Variants in DNMT3A observed in about 807,000 individuals in gnomAD.
DNMT3A encodes the protein DNA methyltransferase 3 alpha, also known as DNA (cytosine-5)-methyltransferase 3A.
DNMT3A carries 267 observed loss-of-function variants against 117.6 expected under a neutral mutation model. The ratio of observed to expected loss-of-function variants is 2.27; its 90% CI spans 2.05 to 2.51. The LOEUF (loss-of-function observed/expected upper bound fraction) is 2.51. DNMT3A is among the 30% of genes most tolerant of loss of function. The pLI is 0.00. For missense variants in DNMT3A, 1,029 were observed against 1,260.2 expected, an observed-to-expected ratio of 0.82 and a Z score of 2.78; for synonymous variants, 432 against 474.8, an observed-to-expected ratio of 0.91 and a Z score of 1.17.
At position 25,241,563 on chromosome 2, in the gene DNMT3A, T is replaced by G; in HGVS notation, c.2081A>C (p.His694Pro). Residue 694 changes from histidine to proline, a missense_variant and splice_region_variant, in exon 17 of 23, where the codon CAT becomes CCT. By Grantham distance (77) the His-to-Pro change is moderately conservative. Coordinates refer to ENST00000321117, the MANE Select transcript of DNMT3A (RefSeq NM_022552.5). ...CTGCGCCCCACAGCATGGACATACA[T>G]GCTTCTGTGTGACGCTGCGGACGTC... ...VGDVRSVTQKHIQEWGPFDLV... is the reference protein window; with the variant it reads ...VGDVRSVTQKPIQEWGPFDLV... 6.2e-7 allele frequency: 1 copy of G among 1,613,066 alleles called. No homozygotes were observed. The highest frequency in any genetic ancestry group is 8.5e-7 in the Non-Finnish European group (1 of 1,179,628).
intron 3 of DNMT3A, among the ~76,000 whole-genome samples, chr2:25,299,400 C>T (rs577888267): frequency 8.5e-4 from 130 of 152,234 alleles, no homozygotes; most frequent in Non-Finnish European, 1.6e-3. Context: ...TGATCAGACT[C>T]CCAGGCCTCA....
intron 1 of DNMT3A, 79 bp downstream of exon 1, chr2:25,341,747 C>T: frequency 1.1e-6 from 1 of 941,580 alleles, no homozygotes; most frequent in South Asian, 4.9e-5. Flanking sequence ...CTGCCAGCCG[C>T]GGCGCCCCCC....
Position 25,282,166 on chromosome 2 carries a change from TC to T in DNMT3A, c.448+274del. ...TTGCCAGATCTAGCTTTTTTTTTTT[TC>T]ATGAGAAGCCAAAACTCCAGATTTT... is the stretch of plus-strand genomic sequence containing the variant. On this transcript the variant is annotated intron_variant, in intron 4 of 22. Coordinates refer to ENST00000321117, the MANE Select transcript of DNMT3A (RefSeq NM_022552.5). The surrounding 1 kb of genome is among the most constrained non-coding windows in gnomAD (Gnocchi z 5.2). 2.5e-6 allele frequency: 3 copies of T among 1,188,516 alleles called. No individual in the cohort carries two copies. Among genetic ancestry groups the T allele is most frequent in the South Asian group, 2.4e-5 (1 of 41,722 alleles). The allele number at this position is 1,188,516 out of a possible 1,614,324, so 73.6% of individuals were successfully genotyped here.
At position 25,286,237 on chromosome 2, in the gene DNMT3A, C is replaced by T. The variant is rs1400794097; in HGVS notation, c.178-3526G>A. On this transcript the variant is annotated intron_variant, in intron 3 of 22. Coordinates refer to ENST00000321117, the MANE Select transcript of DNMT3A (RefSeq NM_022552.5). The surrounding 1 kb of genome is among the most constrained non-coding windows in gnomAD (Gnocchi z 4.3). ...CTCTGAGGCCCAACACAGCCCCAGG[C>T]TCCCGACCAACCCAGTCCTTCATGC... 6.6e-6 allele frequency among the ~76,000 whole-genome samples: 1 copy of T among 152,238 alleles called. No homozygotes were observed. The highest frequency in any genetic ancestry group is 2.4e-5 in the African/African-American group (1 of 41,460).
chr2:25,325,847 A>T (rs2034766183), intron 1 of DNMT3A, among the ~76,000 whole-genome samples: 1 of 152,224 alleles, frequency 6.6e-6, no homozygotes, highest in Non-Finnish European at 1.5e-5. Context: ...CCATGCCCAA[A>T]GGAAGGCTGA....
At chr2:25,334,984 A>G (rs1243647960) in intron 1 of DNMT3A, among the ~76,000 whole-genome samples, 5 of 152,256 alleles carry the variant, frequency 3.3e-5, no homozygotes, top group Non-Finnish European at 7.3e-5. Context: ...TTTTTCAAAG[A>G]AAACGAAAGT....
intron 1 of DNMT3A, among the ~76,000 whole-genome samples, chr2:25,320,351 C>T (rs1167417217): frequency 6.6e-6 from 1 of 152,114 alleles, no homozygotes. Flanking sequence ...ATACTGATGG[C>T]TATTGGAAAG....
In DNMT3A at chr2:25,237,053, G is replaced by T; in HGVS notation, c.2409-48C>A. ...TAACAACAGAAACCTGGATAACAGC[G>T]GGAAGGGCCCCAGCTGCACGACTCC... is the stretch of plus-strand genomic sequence containing the variant. On this transcript the variant is annotated intron_variant, in intron 20 of 22. Transcript: ENST00000321117. This position sits in a 1 kb window ranked among gnomAD's most constrained non-coding sequence, Gnocchi z 5.4. 6.3e-7 allele frequency: 1 copy of T among 1,596,650 alleles called. No homozygotes were observed.
At chr2:25,245,578 G>A (rs185264814) in intron 12 of DNMT3A, among the ~76,000 whole-genome samples, 1 of 152,354 alleles carries the variant, frequency 6.6e-6, no homozygotes, top group East Asian at 1.9e-4. Context: ...ACCTGCTCAT[G>A]AGAAGCAGCC....
intron 6 of DNMT3A, among the ~76,000 whole-genome samples, chr2:25,253,150 G>T (rs1675799369): frequency 1.3e-5 from 2 of 152,058 alleles, no homozygotes; most frequent in Admixed American, 6.6e-5. Flanking sequence ...GCCTCCAGGT[G>T]CGGCCTCCAG....
At chr2:25,283,528 A>G (rs1033112483) in intron 3 of DNMT3A, among the ~76,000 whole-genome samples, 1 of 152,064 alleles carries the variant, frequency 6.6e-6, no homozygotes, top group African/African-American at 2.4e-5. Flanking sequence ...GAGGCATGAG[A>G]GTCGAAGGAG....
At chr2:25,270,858 G>A (rs2030823157) in intron 6 of DNMT3A, among the ~76,000 whole-genome samples, 1 of 152,140 alleles carries the variant, frequency 6.6e-6, no homozygotes, top group Non-Finnish European at 1.5e-5. Context: ...ACACCACTTA[G>A]AAAACATTAC....
Position 25,247,783 on chromosome 2 carries a change from T to A in DNMT3A, c.856-34A>T. ...CCAAGGAGCAGAAATCATTACACAG[T>A]GGTCACGAGGCCCTGCCACCCTGAT... On this transcript the variant is annotated intron_variant, in intron 7 of 22. Transcript: ENST00000321117. The surrounding 1 kb of genome is among the most constrained non-coding windows in gnomAD (Gnocchi z 5.6). 3 of 1,604,512 alleles carry A rather than the reference T, an allele frequency of 1.9e-6. No homozygotes were observed. The highest frequency in any genetic ancestry group is 2.5e-6 in the Non-Finnish European group (3 of 1,177,660).
chr2:25,300,603 ATC>A (rs1327764394), intron 2 of DNMT3A, among the ~76,000 whole-genome samples: 5 of 9,226 alleles, frequency 5.4e-4, no homozygotes, highest in East Asian at 4.1e-3. Flanking sequence ...CCATATATAT[ATC>A]TAAATAATAT....
chr2:25,248,656 G>A (rs1050477867), intron 6 of DNMT3A, among the ~76,000 whole-genome samples: 14 of 151,728 alleles, frequency 9.2e-5, no homozygotes, highest in African/African-American at 2.9e-4. Context: ...CAAGCGATTC[G>A]CCTGTCTCAG....
intron 6 of DNMT3A, among the ~76,000 whole-genome samples, chr2:25,251,027 G>A (rs934394175): frequency 1.3e-5 from 2 of 152,096 alleles, no homozygotes; most frequent in Non-Finnish European, 2.9e-5. Flanking sequence ...GTCAGATGCC[G>A]CGCTGCGAGC....
rs1473826810 is a variant in DNMT3A at position 25,282,548 on chromosome 2, G to T, written c.341C>A (p.Ala114Asp). The T allele has an allele frequency of 6.2e-7, 1 of 1,613,372 alleles. No homozygotes were observed. Among genetic ancestry groups the T allele is most frequent in the Non-Finnish European group, 8.5e-7 (1 of 1,179,932 alleles). The change falls in exon 4 of 23, where the codon GCC becomes GAC. Residue 114 changes from alanine (A) to aspartate (D), a missense_variant. Transcript: ENST00000321117. The surrounding 1 kb of genome is among the most constrained non-coding windows in gnomAD (Gnocchi z 5.2). The part of the protein sequence containing the change: ...GSPAGGQKGG[A>D]PAEGEGAAET... ...AGCTGCACCCTCTCCCTCTGCTGGG[G>T]CCCCGCCCTTCTGCCCCCCAGCAGG...
Position 25,252,184 on chromosome 2 carries a change from A to G in DNMT3A, c.640-3932T>C. On this transcript the variant is annotated intron_variant, in intron 6 of 22. Transcript: ENST00000321117. This position sits in a 1 kb window ranked among gnomAD's most constrained non-coding sequence, Gnocchi z 5.5. ...CCCCGGTCTCCCCGGGGCTCCGTCC[A>G]GGAACCTACCCATAAGGCCAGGTGC... is the stretch of plus-strand genomic sequence containing the variant. The G allele has an allele frequency of 7.7e-6, 12 of 1,566,284 alleles. No homozygotes were observed. Among genetic ancestry groups the G allele is most frequent in the Non-Finnish European group, 1.0e-5 (12 of 1,157,460 alleles).
At chr2:25,274,542 A>G (rs1431453940) in intron 6 of DNMT3A, among the ~76,000 whole-genome samples, 1 of 151,906 alleles carries the variant, frequency 6.6e-6, no homozygotes, top group Non-Finnish European at 1.5e-5. Context: ...ACTCTCCCTG[A>G]CCCCACTCCT....
Sources: gnomAD v4.1 joint callset for allele counts (sites outside exome capture counted in the v4.1 genomes callset) on GRCh38, gnomAD v4.1.1 for gene constraint, Gnocchi (gnomAD v3.1) non-coding constraint, MANE v1.5 for transcripts, NCBI Gene and HGNC (gene_info 2026-07-23, HGNC 2026-07-21) for gene names.